Variants in RASGRF1 observed in about 807,000 individuals in gnomAD.
The protein encoded by RASGRF1 is ras-specific guanine nucleotide-releasing factor 1.
A neutral mutation model predicts 138.7 loss-of-function variants in RASGRF1; 40 were observed. That is an observed-to-expected ratio of 0.29 (90% CI 0.22 to 0.38). The LOEUF is 0.38. RASGRF1 is among the 10% of genes least tolerant of loss of function. RASGRF1 has a pLI of 1.00. For synonymous variants in RASGRF1, 614 were observed against 663.2 expected, an observed-to-expected ratio of 0.93 and a Z score of 1.14; for missense variants, 1,108 against 1,650.4, an observed-to-expected ratio of 0.67 and a Z score of 5.69.
chr15:79,061,431 T>TATATATATATATATATAA (rs1555461889), intron 2 of RASGRF1, among the ~76,000 whole-genome samples: 4 of 144,622 alleles, frequency 2.8e-5, no homozygotes, highest in South Asian at 2.2e-4. Flanking sequence ...TATATATATA[T>TATATATATATATATATAA]CATTCATTTT....
chr15:79,000,307 T>G (rs1056449815), intron 16 of RASGRF1, among the ~76,000 whole-genome samples: 3 of 152,198 alleles, frequency 2.0e-5, no homozygotes, highest in African/African-American at 7.2e-5. Flanking sequence ...ACCTGTCCAA[T>G]GTCTGACATC....
chr15:79,065,772 G>A (rs145251329), intron 1 of RASGRF1, among the ~76,000 whole-genome samples: 141 of 152,206 alleles, frequency 9.3e-4, no homozygotes, highest in African/African-American at 3.1e-3. Flanking sequence ...GAGGGTGCCC[G>A]TCCCTCCATC....
chr15:79,015,440 A>C, intron 12 of RASGRF1, 31 bp from the exon 13 acceptor site: 1 of 1,587,496 alleles, frequency 6.3e-7, no homozygotes, highest in East Asian at 2.2e-5. Flanking sequence ...CCAGGGTCAG[A>C]GCTCTCCATT....
intron 20 of RASGRF1, among the ~76,000 whole-genome samples, chr15:78,994,674 C>T (rs970430445): frequency 3.3e-5 from 5 of 152,176 alleles, no homozygotes; most frequent in Non-Finnish European, 5.9e-5. Flanking sequence ...ACCATCATTC[C>T]CTTATTCCGT....
chr15:79,037,406 G>A (rs561910154), intron 5 of RASGRF1, among the ~76,000 whole-genome samples: 3 of 152,024 alleles, frequency 2.0e-5, no homozygotes, highest in African/African-American at 7.2e-5. Flanking sequence ...GATGGTTTCA[G>A]GACGATTCAA....
chr15:79,045,160 C>T (rs918847544), intron 5 of RASGRF1, among the ~76,000 whole-genome samples: 1 of 152,162 alleles, frequency 6.6e-6, no homozygotes, highest in Non-Finnish European at 1.5e-5. Context: ...TCTCAAGCCT[C>T]CCATTTTGGT....
At chr15:78,994,871 A>C (rs1280281812) in intron 20 of RASGRF1, among the ~76,000 whole-genome samples, 1 of 150,180 alleles carries the variant, frequency 6.7e-6, no homozygotes, top group Non-Finnish European at 1.5e-5. Flanking sequence ...CAGCTCTTAT[A>C]CCACCACTGG....
At chr15:79,080,938 T>A (rs977107185) in intron 1 of RASGRF1, among the ~76,000 whole-genome samples, 3 of 152,210 alleles carry the variant, frequency 2.0e-5, no homozygotes, top group Non-Finnish European at 2.9e-5. Context: ...GAGAATGAAC[T>A]CTGTCTATGC....
chr15:79,008,221 T>G (rs1030001697), intron 13 of RASGRF1, among the ~76,000 whole-genome samples: 6 of 152,246 alleles, frequency 3.9e-5, no homozygotes, highest in Non-Finnish European at 7.3e-5. Flanking sequence ...ATAGCATCCC[T>G]TTCACACTGT....
Position 79,027,373 on chromosome 15 carries a change from C to T in RASGRF1, c.1381+368G>A, listed in dbSNP as rs368758463. On this transcript the variant is annotated intron_variant, in intron 9 of 26. Coordinates refer to ENST00000558480, the MANE Select transcript of RASGRF1 (RefSeq NM_001145648.3). The surrounding 1 kb of genome is among the most constrained non-coding windows in gnomAD (Gnocchi z 4.8). ...CTGACCTCCTCCCAGACACTGAAAA[C>T]GCTTCTGACTCACAGAGACAACTGT... Among the ~76,000 whole-genome samples, 26 of 152,282 alleles carry T rather than the reference C, an allele frequency of 1.7e-4. No individual in the cohort carries two copies. Among genetic ancestry groups the T allele is most frequent in the Admixed American group, 9.2e-4 (14 of 15,298 alleles).
At chr15:79,025,078 T>C (rs1423521155) in intron 10 of RASGRF1, among the ~76,000 whole-genome samples, 1 of 152,166 alleles carries the variant, frequency 6.6e-6, no homozygotes, top group Non-Finnish European at 1.5e-5. Context: ...GTGTGGGGAA[T>C]CTGAAGCCCT....
intron 17 of RASGRF1, 108 bp downstream of exon 17, chr15:78,999,635 C>T (rs1454040038): frequency 1.3e-5 from 18 of 1,385,468 alleles, no homozygotes; most frequent in Non-Finnish European, 1.8e-5. Context: ...ATCCTTAGCA[C>T]ACCTTAAACA....
At chr15:79,060,249 A>AC (rs1477879396) in intron 2 of RASGRF1, among the ~76,000 whole-genome samples, 1 of 151,330 alleles carries the variant, frequency 6.6e-6, no homozygotes, top group Non-Finnish European at 1.5e-5. Flanking sequence ...ATCACTCCCC[A>AC]CCCCCCAGGT....
chr15:78,980,816 T>G, intron 23 of RASGRF1, 117 bp from the exon 24 acceptor site: 1 of 711,986 alleles, frequency 1.4e-6, no homozygotes, highest in Non-Finnish European at 2.2e-6. Context: ...TGCCTTCCCT[T>G]GGGATCTGGG....
intron 4 of RASGRF1, 41 bp from the exon 5 acceptor site, chr15:79,047,040 GT>G: frequency 1.3e-6 from 2 of 1,591,876 alleles, no homozygotes; most frequent in Non-Finnish European, 1.7e-6. Context: ...CTGTCAGGGA[GT>G]CTGGACCACT....
intron 13 of RASGRF1, among the ~76,000 whole-genome samples, chr15:79,007,150 T>C (rs2056695481): frequency 6.6e-6 from 1 of 152,248 alleles, no homozygotes; most frequent in African/African-American, 2.4e-5. Flanking sequence ...GCTGTCAAGA[T>C]GTAAGGACAG....
chr15:79,037,126 T>C (rs901208260), intron 5 of RASGRF1, among the ~76,000 whole-genome samples: 2 of 152,102 alleles, frequency 1.3e-5, no homozygotes, highest in Non-Finnish European at 2.9e-5. Flanking sequence ...GGATAAATGT[T>C]CCAATTTTAA....
At chr15:79,077,055 G>A (rs572516471) in intron 1 of RASGRF1, among the ~76,000 whole-genome samples, 3 of 152,320 alleles carry the variant, frequency 2.0e-5, no homozygotes, top group South Asian at 2.1e-4. Context: ...AAAGCCATCC[G>A]TGCCTCTTCA....
At chr15:79,034,957 A>G (rs117849714) in intron 6 of RASGRF1, among the ~76,000 whole-genome samples, 174 bp downstream of exon 6, 3,618 of 152,382 alleles carry the variant, frequency 0.024, 55 homozygotes, top group Non-Finnish European at 0.034. Flanking sequence ...ATTTCCTCTT[A>G]GAAATACAGC....
Sources: gnomAD v4.1 joint callset for allele counts (sites outside exome capture counted in the v4.1 genomes callset) on GRCh38, gnomAD v4.1.1 for gene constraint, Gnocchi (gnomAD v3.1) non-coding constraint, MANE v1.5 for transcripts, NCBI Gene and HGNC (gene_info 2026-07-23, HGNC 2026-07-21) for gene names.